The following EHBP1 variants were observed in gnomAD, a reference collection of about 807,000 sequenced individuals.
EHBP1 encodes the protein EH domain-binding protein 1.
Under a neutral mutation model 144.0 loss-of-function variants are expected in EHBP1, and 55 were observed. The ratio of observed to expected loss-of-function variants is 0.38; its 90% CI spans 0.31 to 0.48. The LOEUF is 0.48. EHBP1 is among the 20% of genes least tolerant of loss of function. The pLI is 0.98. For missense variants in EHBP1, 1,200 were observed against 1,364.2 expected (o/e 0.88, Z 1.90); for synonymous variants, 469 against 472.7 (o/e 0.99, Z 0.10).
At chr2:62,737,131 C>T (rs1056727751) in intron 2 of EHBP1, among the ~76,000 whole-genome samples, 3 of 152,152 alleles carry the variant, frequency 2.0e-5, no homozygotes, top group African/African-American at 7.2e-5. Context: ...TTCCTTTTCC[C>T]AGGTCAGTTA....
rs551540119 is a variant in EHBP1 at position 63,012,282 on chromosome 2, T to C, written c.3103+15516T>C. Among the ~76,000 whole-genome samples, 13 of 152,158 alleles carry C rather than the reference T, an allele frequency of 8.5e-5. No homozygotes were observed. In the South Asian group the frequency reaches 2.3e-3, roughly 27 times the overall value. On this transcript the variant is annotated intron_variant, in intron 19 of 22. Coordinates refer to ENST00000431489, the MANE Select transcript of EHBP1 (RefSeq NM_001142616.3). ...TATAACCAAATGCTACTGTGTCATA[T>C]AGAAATGATCCAATCTCTTACTGTT...
At chr2:63,002,932 A>G (rs1354186287) in intron 19 of EHBP1, among the ~76,000 whole-genome samples, 4 of 152,222 alleles carry the variant, frequency 2.6e-5, no homozygotes, top group East Asian at 1.9e-4. Context: ...TGTAGGGATC[A>G]TGTAACTATT....
chr2:62,778,159 C>G (rs2042173767), intron 5 of EHBP1, among the ~76,000 whole-genome samples: 1 of 152,156 alleles, frequency 6.6e-6, no homozygotes, highest in Non-Finnish European at 1.5e-5. Flanking sequence ...CAGGGCTCCA[C>G]TAGTCCCTTT....
chr2:62,695,125 G>T (rs1216829000), intron 1 of EHBP1, among the ~76,000 whole-genome samples: 1 of 152,150 alleles, frequency 6.6e-6, no homozygotes, highest in Non-Finnish European at 1.5e-5. Context: ...ACTTTGGGAG[G>T]CCAAGGCAGG....
At chr2:62,772,832 T>C (rs1376809577) in intron 5 of EHBP1, among the ~76,000 whole-genome samples, 2 of 152,244 alleles carry the variant, frequency 1.3e-5, no homozygotes, top group Non-Finnish European at 2.9e-5. Context: ...CTTTGGTATG[T>C]ATCTCAGTGA....
At chr2:62,732,561 G>A (rs1233928514) in intron 2 of EHBP1, among the ~76,000 whole-genome samples, 1 of 152,078 alleles carries the variant, frequency 6.6e-6, no homozygotes, top group Non-Finnish European at 1.5e-5. Flanking sequence ...TTTAAAATGT[G>A]TAACACCTTC....
intron 3 of EHBP1, among the ~76,000 whole-genome samples, chr2:62,753,166 T>G (rs925308300): frequency 7.2e-5 from 11 of 152,204 alleles, no homozygotes; most frequent in African/African-American, 2.7e-4. Flanking sequence ...TGTTTAGTGC[T>G]TCCTTCATGA....
intron 10 of EHBP1, among the ~76,000 whole-genome samples, chr2:62,903,491 A>G (rs1190639478): frequency 6.6e-6 from 1 of 152,208 alleles, no homozygotes. Context: ...GGCCAGGTGC[A>G]GTGACTCACG....
upstream of EHBP1, among the ~76,000 whole-genome samples, chr2:62,700,924 A>G (rs1558516291): frequency 6.6e-6 from 1 of 152,182 alleles, no homozygotes; most frequent in Non-Finnish European, 1.5e-5. Flanking sequence ...CCACCTCCCC[A>G]GGACTCTAAT....
In EHBP1 at chr2:62,809,569, G is replaced by T. The variant is rs191128399; in HGVS notation, c.313-16518G>T. ...CAGGTTTGTTGCATGGGTAGATTGT[G>T]TGATGCTAAGGTTTGGGGTATGGAT... On this transcript the variant is annotated intron_variant, in intron 5 of 22. Transcript: ENST00000431489. Among the ~76,000 whole-genome samples the T allele has an allele frequency of 3.9e-5, 6 of 152,170 alleles. No homozygotes were observed. The East Asian group carries it at 1.2e-3, about 29-fold the overall frequency.
At chr2:62,804,858 G>A (rs1457230757) in intron 5 of EHBP1, among the ~76,000 whole-genome samples, 1 of 152,172 alleles carries the variant, frequency 6.6e-6, no homozygotes, top group Non-Finnish European at 1.5e-5. Flanking sequence ...CCTATTGTGA[G>A]CTGTGCATGC....
intron 10 of EHBP1, among the ~76,000 whole-genome samples, chr2:62,934,811 G>A (rs2056255049): frequency 6.6e-6 from 1 of 152,090 alleles, no homozygotes; most frequent in African/African-American, 2.4e-5. Context: ...TCACCAAACT[G>A]GGGTCAGTTT....
intron 7 of EHBP1, among the ~76,000 whole-genome samples, chr2:62,837,476 TTC>T (rs1558763519): frequency 6.6e-6 from 1 of 151,116 alleles, no homozygotes; most frequent in Non-Finnish European, 1.5e-5. Flanking sequence ...CAGGATCAAA[TTC>T]ACACATAACA....
chr2:62,823,650 G>C (rs1225601389), intron 5 of EHBP1, among the ~76,000 whole-genome samples: 1 of 152,024 alleles, frequency 6.6e-6, no homozygotes, highest in East Asian at 1.9e-4. Context: ...CATGGAGTGG[G>C]GTTAGAGCTG....
At position 62,954,816 on chromosome 2, in the gene EHBP1, A is replaced by G. The variant is rs193147724; in HGVS notation, c.2317-701A>G. Reference sequence around the variant, plus strand: ...TAAAGCCAGAAGTTGGTTACTTAGTAGAAAAAAAAGGAATTTGGACTATAA... The same window carrying G: ...TAAAGCCAGAAGTTGGTTACTTAGTGGAAAAAAAAGGAATTTGGACTATAA... On this transcript the variant is annotated intron_variant, in intron 13 of 22. Transcript: ENST00000431489. 1.7e-4 allele frequency among the ~76,000 whole-genome samples: 26 copies of G among 152,266 alleles called. 1 individual carries two copies. In the East Asian group the frequency reaches 4.8e-3, roughly 28 times the overall value.
intron 7 of EHBP1, among the ~76,000 whole-genome samples, chr2:62,844,149 G>T (rs372471220): frequency 5.3e-5 from 8 of 152,104 alleles, no homozygotes; most frequent in African/African-American, 1.9e-4. Context: ...TTCATGTAGT[G>T]AGTAATTTCT....
At chr2:62,973,554 T>G (rs2058584146) in intron 14 of EHBP1, among the ~76,000 whole-genome samples, 1 of 152,206 alleles carries the variant, frequency 6.6e-6, no homozygotes, top group African/African-American at 2.4e-5. Context: ...TTAAGTATTC[T>G]TACTGGTAAA....
chr2:62,715,486 T>C (rs2035586179), intron 2 of EHBP1, among the ~76,000 whole-genome samples: 1 of 151,990 alleles, frequency 6.6e-6, no homozygotes, highest in Non-Finnish European at 1.5e-5. Context: ...AAATATATTA[T>C]TTCTGAATTT....
intron 10 of EHBP1, among the ~76,000 whole-genome samples, chr2:62,875,921 C>T (rs2050856194): frequency 1.3e-5 from 2 of 151,932 alleles, no homozygotes; most frequent in Admixed American, 6.6e-5. Flanking sequence ...ACAGCTCAGT[C>T]AGACAAAAAT....
Sources: allele counts gnomAD v4.1 joint callset (sites outside exome capture counted in the v4.1 genomes callset), GRCh38; gene constraint gnomAD v4.1.1; transcripts MANE v1.5; gene names NCBI Gene and HGNC (gene_info 2026-07-23, HGNC 2026-07-21).